The following FAM184B variants were observed in gnomAD, a reference collection of about 807,000 sequenced individuals.
FAM184B encodes the protein family with sequence similarity 184 member B, also known as protein FAM184B.
In FAM184B, 111 loss-of-function variants were observed where a neutral mutation model predicts 135.9. The ratio of observed to expected loss-of-function variants is 0.82; its 90% CI spans 0.70 to 0.96. The LOEUF (loss-of-function observed/expected upper bound fraction) is 0.96, where lower values mean the gene tolerates loss of function less well. FAM184B is among the 40% of genes least tolerant of loss of function. The pLI, the probability that FAM184B is intolerant of heterozygous loss-of-function variation, is 0.00. For synonymous variants in FAM184B, 552 were observed against 524.8 expected, an observed-to-expected ratio of 1.05 and a Z score of -0.71; for missense variants, 1,375 against 1,323.9, an observed-to-expected ratio of 1.04 and a Z score of -0.60.
chr4:17,718,566 C>T (rs1036194059), intron 1 of FAM184B, among the ~76,000 whole-genome samples: 5 of 152,168 alleles, frequency 3.3e-5, no homozygotes, highest in African/African-American at 1.2e-4. Context: ...ATTTATTTGT[C>T]TTCCCCATTG....
chr4:17,641,259 C>T (rs1715301771), intron 13 of FAM184B, among the ~76,000 whole-genome samples: 1 of 151,954 alleles, frequency 6.6e-6, no homozygotes, highest in South Asian at 2.1e-4. Flanking sequence ...CCCCATTTTA[C>T]AGAGGACTCA....
chr4:17,638,500 C>T (rs1182080993), intron 14 of FAM184B, among the ~76,000 whole-genome samples: 2 of 152,016 alleles, frequency 1.3e-5, no homozygotes, highest in Non-Finnish European at 2.9e-5. Flanking sequence ...CCAAGCACAG[C>T]CTGTTTGCTT....
chr4:17,629,704 A>G lies in FAM184B; in HGVS notation c.*2828T>C, dbSNP rs1463678821. 1 of 152,120 alleles carries G rather than the reference A, an allele frequency of 6.6e-6. No individual in the cohort carries two copies. Among genetic ancestry groups the G allele is most frequent in the Non-Finnish European group, 1.5e-5 (1 of 68,020 alleles). 9.4% of individuals were successfully genotyped at this position (152,120 alleles called of 1,614,324 possible). On this transcript the variant is annotated 3_prime_UTR_variant, in exon 18 of 18. Coordinates refer to ENST00000265018, the MANE Select transcript of FAM184B (RefSeq NM_015688.2). ...TCTCTTCATCTTCACTGTCACCTCTACGCCATCACTGTCATCTCTAGACCG... is the reference window on the plus strand; with the variant it reads ...TCTCTTCATCTTCACTGTCACCTCTGCGCCATCACTGTCATCTCTAGACCG...
chr4:17,650,360 G>T (rs1715581722), intron 11 of FAM184B, among the ~76,000 whole-genome samples: 1 of 152,218 alleles, frequency 6.6e-6, no homozygotes, highest in Non-Finnish European at 1.5e-5. Context: ...TGCCATTACT[G>T]TAGGTGCTTG....
chr4:17,767,710 C>T (rs868394759), intron 1 of FAM184B, among the ~76,000 whole-genome samples: 2 of 137,356 alleles, frequency 1.5e-5, no homozygotes, highest in African/African-American at 2.6e-5. Context: ...TCCCCGCCCC[C>T]CACCCCCCGC....
chr4:17,730,118 G>T (rs926011508), intron 1 of FAM184B, among the ~76,000 whole-genome samples: 1 of 152,224 alleles, frequency 6.6e-6, no homozygotes, highest in African/African-American at 2.4e-5. Context: ...CTTGAAGAAT[G>T]CAGAAGCCCC....
intron 1 of FAM184B, among the ~76,000 whole-genome samples, chr4:17,727,018 C>A (rs751222881): frequency 1.3e-5 from 2 of 152,106 alleles, no homozygotes; most frequent in Admixed American, 6.6e-5. Flanking sequence ...AGTCAGGGTA[C>A]CTGCTCAGTA....
Position 17,781,131 on chromosome 4 carries a change from C to T in FAM184B, c.141+28G>A, listed in dbSNP as rs1719024079. On this transcript the variant is annotated intron_variant, in intron 1 of 17. Transcript: ENST00000265018. The surrounding 1 kb of genome is among the most constrained non-coding windows in gnomAD (Gnocchi z 6.5). ...CGGCTCGGGCGCCCCGGGCGTGCAG[C>T]TCGCTGGCCCGCTGCGCCCCACCTT... is the stretch of plus-strand genomic sequence containing the variant. 1.3e-6 allele frequency: 2 copies of T among 1,493,888 alleles called. No homozygotes were observed. Among genetic ancestry groups the T allele is most frequent in the Non-Finnish European group, 1.8e-6 (2 of 1,118,412 alleles). The allele number at this position is 1,493,888 out of a possible 1,614,324, so 92.5% of individuals were successfully genotyped here.
chr4:17,647,864 T>G, intron 11 of FAM184B, 73 bp from the exon 12 acceptor site: 4 of 1,458,298 alleles, frequency 2.7e-6, no homozygotes, highest in Non-Finnish European at 2.8e-6. Flanking sequence ...GACAACAGTC[T>G]CTGGGGTGGG....
At chr4:17,656,773 T>C (rs1715785944) in intron 10 of FAM184B, among the ~76,000 whole-genome samples, 1 of 152,178 alleles carries the variant, frequency 6.6e-6, no homozygotes, top group South Asian at 2.1e-4. Context: ...AGCCAAATAG[T>C]ATTAAAAGAA....
chr4:17,629,885 T>C lies in FAM184B; in HGVS notation c.*2647A>G, dbSNP rs62298070. 6.6e-6 allele frequency: 1 copy of C among 152,202 alleles called. No individual in the cohort carries two copies. The highest frequency in any genetic ancestry group is 1.5e-5 in the Non-Finnish European group (1 of 68,028). 9.4% of individuals were successfully genotyped at this position (152,202 alleles called of 1,614,324 possible). A position where few individuals can be genotyped will look rare whatever the true frequency, so the allele number is the denominator to read the frequency against. On this transcript the variant is annotated 3_prime_UTR_variant, in exon 18 of 18. Coordinates refer to ENST00000265018, the MANE Select transcript of FAM184B (RefSeq NM_015688.2). ...GTTAGAAACTTTCTGAATGGCAGTT[T>C]GGTAATAACAAACAAAAAGCTTAAG...
intron 12 of FAM184B, among the ~76,000 whole-genome samples, chr4:17,644,320 G>A (rs370495684): frequency 1.3e-5 from 2 of 152,124 alleles, no homozygotes; most frequent in African/African-American, 4.8e-5. Flanking sequence ...GATGAACATT[G>A]ATGTAAAAAT....
At chr4:17,640,973 G>A (rs527657382) in intron 13 of FAM184B, among the ~76,000 whole-genome samples, 177 of 151,822 alleles carry the variant, frequency 1.2e-3, no homozygotes, top group Non-Finnish European at 1.3e-3. Context: ...TGGCTCTGCC[G>A]CCCAGGCTGA....
chr4:17,760,912 G>C (rs1283725863), intron 1 of FAM184B, among the ~76,000 whole-genome samples: 1 of 152,218 alleles, frequency 6.6e-6, no homozygotes, highest in Non-Finnish European at 1.5e-5. Flanking sequence ...AATGTCAAAG[G>C]TTGCTTCCAC....
chr4:17,752,607 G>A (rs967521707), intron 1 of FAM184B, among the ~76,000 whole-genome samples: 1 of 152,170 alleles, frequency 6.6e-6, no homozygotes, highest in African/African-American at 2.4e-5. Flanking sequence ...GAGGGCAGAA[G>A]TGCATCCCAA....
At chr4:17,752,638 C>T (rs1221440695) in intron 1 of FAM184B, among the ~76,000 whole-genome samples, 1 of 152,066 alleles carries the variant, frequency 6.6e-6, no homozygotes, top group Non-Finnish European at 1.5e-5. Context: ...CAGGAGGATG[C>T]CCAGGACATC....
rs1286680524 is a variant in FAM184B at position 17,709,035 on chromosome 4, CCTT to C, written c.748_750del (p.Lys250del). The C allele has an allele frequency of 1.5e-5, 24 of 1,550,152 alleles. No individual in the cohort carries two copies. The highest frequency in any genetic ancestry group is 9.8e-5 in the Admixed American group (5 of 50,984). ...TGGAAGTTCTTGCGGAGGTCCGACT[CCTT>C]CTCCTGCCACTGCCACAGGGCCTGG... On this transcript the variant is annotated inframe_deletion, in exon 2 of 18. Transcript: ENST00000265018.
chr4:17,673,789 A>G (rs979442121), intron 7 of FAM184B, among the ~76,000 whole-genome samples: 1 of 151,994 alleles, frequency 6.6e-6, no homozygotes, highest in Non-Finnish European at 1.5e-5. Flanking sequence ...GGGGTAAGGG[A>G]TAAAAGACTA....
intron 8 of FAM184B, among the ~76,000 whole-genome samples, chr4:17,662,909 C>G (rs1490544781): frequency 6.6e-6 from 1 of 152,112 alleles, no homozygotes; most frequent in Non-Finnish European, 1.5e-5. Flanking sequence ...AACCACATGT[C>G]CATGTGCATA....
Sources: allele counts gnomAD v4.1 joint callset (sites outside exome capture counted in the v4.1 genomes callset), GRCh38; gene constraint gnomAD v4.1.1; non-coding constraint Gnocchi (gnomAD v3.1); transcripts MANE v1.5; gene names NCBI Gene and HGNC (gene_info 2026-07-23, HGNC 2026-07-21).